Variants in WHRN observed in about 807,000 individuals in gnomAD.
WHRN encodes CASK-interacting protein CIP98.
A neutral mutation model predicts 68.3 loss-of-function variants in WHRN; 41 were observed. The observed-to-expected ratio is 0.60, with a 90% CI of 0.47 to 0.78. The LOEUF is 0.78. Ranked by LOEUF, WHRN falls within the 30% of genes least tolerant of loss-of-function variation. The pLI is 0.00. For missense variants in WHRN, 1,243 were observed against 1,244.7 expected (o/e 1.00, Z 0.02); for synonymous variants, 560 against 561.3 (o/e 1.00, Z 0.03).
At chr9:114,466,219 C>CAAAG in intron 3 of WHRN, 48 bp downstream of exon 3, 1 of 1,611,996 alleles carries the variant, frequency 6.2e-7, no homozygotes, top group Non-Finnish European at 8.5e-7. Flanking sequence ...AAATCAGCAG[C>CAAAG]AAAGAGCTCC....
intron 2 of WHRN, among the ~76,000 whole-genome samples, chr9:114,476,700 C>T (rs1046767940): frequency 6.6e-6 from 1 of 152,134 alleles, no homozygotes; most frequent in African/African-American, 2.4e-5. Flanking sequence ...ATAACATCGT[C>T]AAGCACCCAG....
chr9:114,406,598 G>A lies in WHRN; in HGVS notation c.1993C>T (p.Leu665=), dbSNP rs762185744. 1 of 1,610,770 alleles carries A rather than the reference G, an allele frequency of 6.2e-7. No individual in the cohort carries two copies. The highest frequency in any genetic ancestry group is 8.5e-7 in the Non-Finnish European group (1 of 1,177,678). The stretch of plus-strand genomic sequence containing the variant: ...TTGACCAGGGCCAGATGGGCGTCCA[G>A]CGGCCTCTTGGAGCTGGGGTTGGCA... The part of the protein sequence containing the change: ...SPANPSSKRP[L]DAHLALVNQH... Residue 665 remains leucine, a synonymous_variant, in exon 9 of 12, where the codon CTG becomes TTG. Transcript: ENST00000362057.
chr9:114,459,930 G>A (rs1316436972), intron 3 of WHRN, among the ~76,000 whole-genome samples: 2 of 152,204 alleles, frequency 1.3e-5, no homozygotes, highest in Non-Finnish European at 2.9e-5. Context: ...AGGTGGGGCT[G>A]GGAGGCTACC....
rs559225916 is a variant in WHRN at position 114,409,432 on chromosome 9, T to C, written c.1627-1414A>G. 3.4e-4 allele frequency among the ~76,000 whole-genome samples: 51 copies of C among 152,130 alleles called. 1 individual carries two copies. Among genetic ancestry groups the C allele is most frequent in the Admixed American group, 5.2e-4 (8 of 15,294 alleles). ...ACAACTCAAAGCTAGGTCTTATGAG[T>C]GAGCAGAGCAAAGAAGGGAACGATA... On this transcript the variant is annotated intron_variant, in intron 7 of 11. Transcript: ENST00000362057.
chr9:114,419,185 G>C (rs1432012223), intron 7 of WHRN, among the ~76,000 whole-genome samples: 1 of 152,174 alleles, frequency 6.6e-6, no homozygotes, highest in Non-Finnish European at 1.5e-5. Context: ...TCACTCACTA[G>C]CCATGCAACC....
chr9:114,471,139 T>C lies in WHRN; in HGVS notation c.838-4747A>G, dbSNP rs553974096. ...TTTGGCATGAATCGGAATTCATCTA[T>C]GGGAAAGCAAATGACACTGTGAGAA... On this transcript the variant is annotated intron_variant, in intron 2 of 11. Coordinates refer to ENST00000362057, the MANE Select transcript of WHRN (RefSeq NM_015404.4). 3.9e-5 allele frequency among the ~76,000 whole-genome samples: 6 copies of C among 152,292 alleles called. No individual in the cohort carries two copies. The South Asian group carries it at 1.2e-3, about 32-fold the overall frequency.
intron 1 of WHRN, among the ~76,000 whole-genome samples, chr9:114,487,820 T>C (rs1056909189): frequency 2.6e-5 from 4 of 152,208 alleles, no homozygotes; most frequent in African/African-American, 9.7e-5. Context: ...TGAATTCCCC[T>C]GACAATGTGG....
intron 1 of WHRN, among the ~76,000 whole-genome samples, chr9:114,495,728 A>T (rs1184736957): frequency 6.6e-6 from 1 of 152,134 alleles, no homozygotes; most frequent in Non-Finnish European, 1.5e-5. Context: ...GCAGGAGGAG[A>T]GGGGCTCAAG....
rs180763163 is a variant in WHRN at position 114,433,058 on chromosome 9, C to T, written c.964-6645G>A. On this transcript the variant is annotated intron_variant, in intron 3 of 11. Coordinates refer to ENST00000362057, the MANE Select transcript of WHRN (RefSeq NM_015404.4). ...GGAAGCCGAGGACGGGAAGTAGAGT[C>T]ATTAAGAGCTGGGATCTGGCCTTCA... is the stretch of plus-strand genomic sequence containing the variant. 4.4e-3 allele frequency among the ~76,000 whole-genome samples: 667 copies of T among 152,310 alleles called. 1 individual carries two copies. Among genetic ancestry groups the T allele is most frequent in the Admixed American group, 6.0e-3 (92 of 15,298 alleles).
At chr9:114,465,549 C>A (rs1435656397) in intron 3 of WHRN, among the ~76,000 whole-genome samples, 1 of 152,218 alleles carries the variant, frequency 6.6e-6, no homozygotes, top group Non-Finnish European at 1.5e-5. Flanking sequence ...TTAGCCCAAA[C>A]ACATGGTGCT....
At chr9:114,432,594 T>C (rs780696491) in intron 3 of WHRN, among the ~76,000 whole-genome samples, 8 of 152,218 alleles carry the variant, frequency 5.3e-5, no homozygotes, top group Non-Finnish European at 7.3e-5. Context: ...CCTTGGGTAA[T>C]TGACTTCACT....
At chr9:114,442,167 T>C (rs1417986245) in intron 3 of WHRN, among the ~76,000 whole-genome samples, 1 of 152,296 alleles carries the variant, frequency 6.6e-6, no homozygotes, top group African/African-American at 2.4e-5. Flanking sequence ...TAAATGAAAC[T>C]AAACAATCAT....
At chr9:114,439,288 T>A (rs550528476) in intron 3 of WHRN, among the ~76,000 whole-genome samples, 20 of 152,310 alleles carry the variant, frequency 1.3e-4, no homozygotes, top group South Asian at 2.1e-4. Flanking sequence ...ATGAACCTTG[T>A]TCATATGAAT....
chr9:114,485,707 A>G (rs919970989), intron 1 of WHRN, among the ~76,000 whole-genome samples: 1 of 145,894 alleles, frequency 6.9e-6, no homozygotes, highest in Non-Finnish European at 1.5e-5. Context: ...AAATAAGTAT[A>G]TAAATATCAA....
At chr9:114,439,916 ATATT>A (rs574097325) in intron 3 of WHRN, among the ~76,000 whole-genome samples, 2 of 152,294 alleles carry the variant, frequency 1.3e-5, no homozygotes, top group African/African-American at 2.4e-5. Context: ...CAAATCTATT[ATATT>A]TATTTATTTA....
rs1377355025 is a variant in WHRN at position 114,504,050 on chromosome 9, A to G, written c.618+134T>C. On this transcript the variant is annotated intron_variant, in intron 1 of 11. Coordinates refer to ENST00000362057, the MANE Select transcript of WHRN (RefSeq NM_015404.4). ...TCTGTAAGCTATACATTCCTGTTTT[A>G]AAGTATTAAAAAAAAAAAAAAAGCC... 4 of 1,253,108 alleles carry G rather than the reference A, an allele frequency of 3.2e-6. No homozygotes were observed. The African/African-American group carries it at 6.8e-5, about 21-fold the overall frequency. 77.6% of individuals were successfully genotyped at this position (1,253,108 alleles called of 1,614,324 possible).
chr9:114,493,832 C>T (rs1843213786), intron 1 of WHRN, among the ~76,000 whole-genome samples: 1 of 152,238 alleles, frequency 6.6e-6, no homozygotes, highest in Non-Finnish European at 1.5e-5. Flanking sequence ...CCTAGGTTTT[C>T]TCATCAAATA....
At chr9:114,422,646 T>A (rs10817609) in intron 7 of WHRN, among the ~76,000 whole-genome samples, 3 of 151,892 alleles carry the variant, frequency 2.0e-5, no homozygotes, top group Non-Finnish European at 4.4e-5. Flanking sequence ...CCAGCCTGGC[T>A]AACATGGCAA....
intron 3 of WHRN, among the ~76,000 whole-genome samples, chr9:114,463,453 C>T (rs1009443085): frequency 2.0e-5 from 3 of 152,226 alleles, no homozygotes; most frequent in African/African-American, 7.2e-5. Context: ...ATTTAAACTT[C>T]ATACAGACTA....
Sources: allele counts gnomAD v4.1 joint callset (sites outside exome capture counted in the v4.1 genomes callset), GRCh38; gene constraint gnomAD v4.1.1; transcripts MANE v1.5; gene names NCBI Gene and HGNC (gene_info 2026-07-23, HGNC 2026-07-21).